The following CRIM1 variants were observed in gnomAD, a reference collection of about 807,000 sequenced individuals.
CRIM1 encodes cysteine-rich motor neuron 1 protein.
In CRIM1, 32 loss-of-function variants were observed where a neutral mutation model predicts 116.4. The ratio of observed to expected loss-of-function variants is 0.27; its 90% CI spans 0.21 to 0.37. The LOEUF (loss-of-function observed/expected upper bound fraction) is 0.37, where lower values mean the gene tolerates loss of function less well. CRIM1 is among the 10% of genes least tolerant of loss of function. The pLI is 1.00. For missense variants in CRIM1, 1,331 were observed against 1,354.8 expected, an observed-to-expected ratio of 0.98 and a Z score of 0.28; for synonymous variants, 590 against 509.2, an observed-to-expected ratio of 1.16 and a Z score of -2.13.
chr2:36,487,638 C>G (rs1348057993), intron 7 of CRIM1, among the ~76,000 whole-genome samples: 5 of 151,144 alleles, frequency 3.3e-5, no homozygotes, highest in African/African-American at 9.7e-5. Context: ...AATAAAGGCA[C>G]TTTGTCTTCT....
At chr2:36,382,811 C>G (rs915801788) in intron 1 of CRIM1, among the ~76,000 whole-genome samples, 17 of 152,214 alleles carry the variant, frequency 1.1e-4, no homozygotes, top group African/African-American at 3.6e-4. Context: ...AGAACAAGCA[C>G]ATACACATAA....
intron 1 of CRIM1, chr2:36,378,239 C>T (rs1481598300): frequency 2.2e-6 from 1 of 462,324 alleles, no homozygotes; most frequent in African/African-American, 2.0e-5. Flanking sequence ...TATTTTAAAT[C>T]AATGAGTAAT....
chr2:36,540,180 CG>C (rs1666852907), intron 14 of CRIM1, among the ~76,000 whole-genome samples: 2 of 152,222 alleles, frequency 1.3e-5, no homozygotes, highest in South Asian at 4.2e-4. Flanking sequence ...CTGTTAGCCA[CG>C]TAAGATGCGA....
At chr2:36,449,464 C>T (rs1033418339) in intron 4 of CRIM1, among the ~76,000 whole-genome samples, 5 of 152,168 alleles carry the variant, frequency 3.3e-5, no homozygotes, top group East Asian at 1.9e-4. Flanking sequence ...TAAACCATTC[C>T]GTAGCTAAAG....
At chr2:36,397,952 C>T (rs1264874735) in intron 2 of CRIM1, among the ~76,000 whole-genome samples, 1 of 152,130 alleles carries the variant, frequency 6.6e-6, no homozygotes, top group East Asian at 1.9e-4. Context: ...ACTAATCACA[C>T]CAAGTATTCT....
chr2:36,389,949 T>C lies in CRIM1; in HGVS notation c.332-6665T>C, dbSNP rs552800705. On this transcript the variant is annotated intron_variant, in intron 1 of 16. Transcript: ENST00000280527. Reference sequence around the variant, plus strand: ...TTCTTCACATATCTGGTGTTCGTTATGCCTCCACACATCTTGTAAGAGGCC... The same window carrying C: ...TTCTTCACATATCTGGTGTTCGTTACGCCTCCACACATCTTGTAAGAGGCC... Among the ~76,000 whole-genome samples the C allele has an allele frequency of 3.3e-5, 5 of 152,316 alleles. No individual in the cohort carries two copies. In the East Asian group the frequency reaches 7.7e-4, roughly 24 times the overall value.
rs1679026628 is a variant in CRIM1 at position 36,476,969 on chromosome 2, C to A, written c.1072C>A (p.Arg358=). The change falls in exon 6 of 17, where the codon CGA becomes AGA. Residue 358 remains arginine, a synonymous_variant. Coordinates refer to ENST00000280527, the MANE Select transcript of CRIM1 (RefSeq NM_016441.3). The stretch of plus-strand genomic sequence containing the variant: ...TCGAATGGACAACTGTCGGTTCTGT[C>A]GATGCCAAGGGGGCGTTGCCATCTG... ...MFRMDNCRFC[R]CQGGVAICFT... The A allele has an allele frequency of 6.2e-7, 1 of 1,613,672 alleles. No individual in the cohort carries two copies. Among genetic ancestry groups the A allele is most frequent in the Non-Finnish European group, 8.5e-7 (1 of 1,179,722 alleles).
At chr2:36,512,497 TATTCTAACACAAATGTCAGTCTCTGTGGG>T in intron 10 of CRIM1, 103 bp downstream of exon 10, 1 of 1,269,622 alleles carries the variant, frequency 7.9e-7, no homozygotes, top group Non-Finnish European at 1.1e-6. Context: ...GGTTGCTGCC[TATTCTAACACAAATGTCAGTCTCTGTGGG>T]ACCGTCCCAC....
chr2:36,512,387 G>C lies in CRIM1; in HGVS notation c.1773G>C (p.Lys591Asn). The C allele has an allele frequency of 1.2e-6, 2 of 1,612,952 alleles. No individual in the cohort carries two copies. The highest frequency in any genetic ancestry group is 1.7e-5 in the Admixed American group (1 of 60,020). ...ACAGTCACGGCTGTCTTATCTGCAA[G>C]TGCAGAGGTAAGTGTGTACACATGG... is the stretch of plus-strand genomic sequence containing the variant. ...QQDSHGCLIC[K>N]CREASASAGP... The change falls in exon 10 of 17, where the codon AAG becomes AAC. Residue 591 changes from lysine to asparagine, a missense_variant. By Grantham distance (94) the Lys-to-Asn change is moderately conservative (BLOSUM62 0). Coordinates refer to ENST00000280527, the MANE Select transcript of CRIM1 (RefSeq NM_016441.3).
chr2:36,392,614 C>T (rs572544759), intron 1 of CRIM1, among the ~76,000 whole-genome samples: 2 of 152,272 alleles, frequency 1.3e-5, no homozygotes, highest in South Asian at 4.1e-4. Context: ...ATTTGATTTC[C>T]ATAATCCAAC....
chr2:36,522,800 T>C (rs1306252944), intron 13 of CRIM1, among the ~76,000 whole-genome samples: 3 of 72,962 alleles, frequency 4.1e-5, no homozygotes, highest in African/African-American at 1.4e-4. Flanking sequence ...AGACTCCATC[T>C]CAAAAAAAAA....
At chr2:36,539,604 G>A (rs1666802768) in intron 14 of CRIM1, among the ~76,000 whole-genome samples, 1 of 152,164 alleles carries the variant, frequency 6.6e-6, no homozygotes, top group African/African-American at 2.4e-5. Flanking sequence ...GACCAACTTG[G>A]AGACTTTTTT....
At chr2:36,412,140 TG>T (rs1178757664) in intron 2 of CRIM1, among the ~76,000 whole-genome samples, 1 of 152,158 alleles carries the variant, frequency 6.6e-6, no homozygotes, top group Non-Finnish European at 1.5e-5. Context: ...CTACGGGTCA[TG>T]ATTAGATGGT....
chr2:36,545,234 TTGTC>T (rs1374861160), intron 15 of CRIM1, among the ~76,000 whole-genome samples: 2 of 152,182 alleles, frequency 1.3e-5, no homozygotes, highest in African/African-American at 2.4e-5. Flanking sequence ...GAGAGATTAA[TTGTC>T]TGTTACTCTA....
chr2:36,375,591 A>G (rs1305982089), intron 1 of CRIM1, among the ~76,000 whole-genome samples: 1 of 152,226 alleles, frequency 6.6e-6, no homozygotes, highest in Non-Finnish European at 1.5e-5. Context: ...TGAATTATAA[A>G]TCTTTGAAGA....
chr2:36,385,766 T>C (rs2148347811), intron 1 of CRIM1, among the ~76,000 whole-genome samples: 1 of 152,322 alleles, frequency 6.6e-6, no homozygotes, highest in Admixed American at 6.5e-5. Flanking sequence ...CAGCTCCTCA[T>C]GTCCCCTGCT....
chr2:36,400,092 G>A (rs920260901), intron 2 of CRIM1, among the ~76,000 whole-genome samples: 1 of 152,044 alleles, frequency 6.6e-6, no homozygotes, highest in African/African-American at 2.4e-5. Flanking sequence ...AGAGAGAGAG[G>A]GAGTCATGGG....
chr2:36,405,484 A>G (rs931934290), intron 2 of CRIM1, among the ~76,000 whole-genome samples: 2 of 152,134 alleles, frequency 1.3e-5, no homozygotes, highest in Non-Finnish European at 2.9e-5. Flanking sequence ...AAGTTTCTCA[A>G]ACTTGAGAGA....
intron 1 of CRIM1, among the ~76,000 whole-genome samples, chr2:36,377,573 C>G (rs546303707): frequency 6.6e-6 from 1 of 152,216 alleles, no homozygotes; most frequent in East Asian, 1.9e-4. Context: ...GTATCCATTT[C>G]TTTTGGGTGG....
Sources: allele counts gnomAD v4.1 joint callset (sites outside exome capture counted in the v4.1 genomes callset), GRCh38; gene constraint gnomAD v4.1.1; transcripts MANE v1.5; gene names NCBI Gene and HGNC (gene_info 2026-07-23, HGNC 2026-07-21).